CCDC141: variants seen among roughly 807,000 people sequenced by gnomAD.
CCDC141 encodes the protein coiled-coil domain-containing protein 141.
A neutral mutation model predicts 181.0 loss-of-function variants in CCDC141; 168 were observed. The observed-to-expected ratio is 0.93, with a 90% CI of 0.82 to 1.05. The LOEUF (loss-of-function observed/expected upper bound fraction) is 1.05. CCDC141 is among the 50% of genes least tolerant of loss of function. The pLI is 0.00. For synonymous variants in CCDC141, 666 were observed against 642.3 expected (o/e 1.04, Z -0.56); for missense variants, 1,902 against 1,788.5 (o/e 1.06, Z -1.14).
intron 9 of CCDC141, among the ~76,000 whole-genome samples, chr2:178,887,609 A>G (rs1486586993): frequency 6.6e-6 from 1 of 152,196 alleles, no homozygotes; most frequent in Non-Finnish European, 1.5e-5. Context: ...CAGGCAATGC[A>G]GCACCACAGC....
rs1685373096 is a variant in CCDC141 at position 178,856,084 on chromosome 2, T to C, written c.2865+173A>G. Among the ~76,000 whole-genome samples, 3 of 152,360 alleles carry C rather than the reference T, an allele frequency of 2.0e-5. No individual in the cohort carries two copies. In the Middle Eastern group the frequency reaches 0.01, roughly 518 times the overall value. On this transcript the variant is annotated intron_variant, in intron 18 of 23. Coordinates refer to ENST00000443758, the MANE Select transcript of CCDC141 (RefSeq NM_173648.4). ...TCAAGAGGTAAATCAATTTATTATGTATTTTTACATGAAGGATAAAATTGT... is the reference window on the plus strand; with the variant it reads ...TCAAGAGGTAAATCAATTTATTATGCATTTTTACATGAAGGATAAAATTGT...
At chr2:178,994,779 TAAA>T (rs1470901027) in intron 2 of CCDC141, among the ~76,000 whole-genome samples, 1 of 152,180 alleles carries the variant, frequency 6.6e-6, no homozygotes, top group Non-Finnish European at 1.5e-5. Context: ...CTTTGCTGCT[TAAA>T]AATTTCTTCC....
At chr2:178,883,521 T>C (rs1170636040) in intron 11 of CCDC141, among the ~76,000 whole-genome samples, 2 of 152,098 alleles carry the variant, frequency 1.3e-5, no homozygotes, top group Non-Finnish European at 2.9e-5. Context: ...GAATTGAGAA[T>C]ATTATAAAGG....
At chr2:178,954,656 T>C (rs1690084764) in intron 5 of CCDC141, among the ~76,000 whole-genome samples, 1 of 152,210 alleles carries the variant, frequency 6.6e-6, no homozygotes, top group African/African-American at 2.4e-5. Context: ...ACATCACATA[T>C]TCAGACATCC....
chr2:178,882,191 G>A (rs1057182159), intron 11 of CCDC141, among the ~76,000 whole-genome samples: 2 of 151,970 alleles, frequency 1.3e-5, no homozygotes, highest in Admixed American at 6.6e-5. Context: ...GACCAACATG[G>A]AGAAACCCCT....
chr2:178,869,394 ACTCT>A, intron 14 of CCDC141, 89 bp from the exon 15 acceptor site: 2 of 899,266 alleles, frequency 2.2e-6, no homozygotes, highest in Non-Finnish European at 3.2e-6. Flanking sequence ...ACAATGAATC[ACTCT>A]TTCATTTGTT....
intron 6 of CCDC141, among the ~76,000 whole-genome samples, chr2:178,942,645 T>C (rs1181208659): frequency 6.6e-6 from 1 of 152,110 alleles, no homozygotes; most frequent in Non-Finnish European, 1.5e-5. Context: ...TGAACCCTAA[T>C]ATAAGCAATG....
rs1453159516 is a variant in CCDC141, at chr2:178,888,627, T to G, written c.1307A>C (p.Lys436Thr). The change falls in exon 9 of 24, where the codon AAG becomes ACG. Residue 436 changes from lysine (K) to threonine (T), a missense_variant. Coordinates refer to ENST00000443758, the MANE Select transcript of CCDC141 (RefSeq NM_173648.4). Reference sequence around the variant, plus strand: ...TTCGGTCAGATGATCCACTCGTCTCTTAATGCACCCCATCATCTCATGGAT... The same window carrying G: ...TTCGGTCAGATGATCCACTCGTCTCGTAATGCACCCCATCATCTCATGGAT... ...SGIHEMMGCI[K>T]RRVDHLTEQC... 1 of 1,550,802 alleles carries G rather than the reference T, an allele frequency of 6.4e-7. No homozygotes were observed.
chr2:178,905,747 T>A (rs1687937275), intron 7 of CCDC141, among the ~76,000 whole-genome samples: 1 of 152,186 alleles, frequency 6.6e-6, no homozygotes, highest in Non-Finnish European at 1.5e-5. Flanking sequence ...ATCACCAAAA[T>A]AGTTTACATT....
chr2:178,834,534 T>C, intron 23 of CCDC141, 94 bp from the exon 24 acceptor site: 1 of 1,315,830 alleles, frequency 7.6e-7, no homozygotes, highest in Non-Finnish European at 1.0e-6. Context: ...CCATTACCAC[T>C]GCAATATTCT....
intron 3 of CCDC141, among the ~76,000 whole-genome samples, chr2:178,975,929 G>T (rs995953385): frequency 4.6e-5 from 7 of 152,114 alleles, no homozygotes; most frequent in African/African-American, 1.7e-4. Flanking sequence ...ATTAGATGGA[G>T]CAAGAATGAC....
chr2:179,013,498 A>C (rs529485955), intron 2 of CCDC141, among the ~76,000 whole-genome samples: 1 of 152,306 alleles, frequency 6.6e-6, no homozygotes, highest in South Asian at 2.1e-4. Flanking sequence ...TCCCATACTC[A>C]TGGATGGGTA....
chr2:179,022,136 G>A (rs1475417451), intron 2 of CCDC141, among the ~76,000 whole-genome samples: 1 of 152,112 alleles, frequency 6.6e-6, no homozygotes, highest in African/African-American at 2.4e-5. Context: ...AGTAGTTTCT[G>A]CTGTTTGAGG....
chr2:178,983,565 G>C, intron 2 of CCDC141, among the ~76,000 whole-genome samples: 1 of 144,430 alleles, frequency 6.9e-6, no homozygotes, highest in Non-Finnish European at 1.5e-5. Context: ...TGAAAACTTT[G>C]AAAAAAATTT....
chr2:179,035,647 C>T (rs1661034314), intron 2 of CCDC141, among the ~76,000 whole-genome samples: 1 of 152,152 alleles, frequency 6.6e-6, no homozygotes, highest in Non-Finnish European at 1.5e-5. Context: ...TCAGCCAAAG[C>T]TGTTACCTGG....
intron 2 of CCDC141, among the ~76,000 whole-genome samples, chr2:179,007,851 A>T (rs562679094): frequency 1.3e-5 from 2 of 152,228 alleles, no homozygotes; most frequent in African/African-American, 4.8e-5. Context: ...CCATTATTTA[A>T]TATATGTCTG....
chr2:178,860,060 C>T (rs1685536949), intron 17 of CCDC141, among the ~76,000 whole-genome samples: 1 of 152,120 alleles, frequency 6.6e-6, no homozygotes, highest in Admixed American at 6.5e-5. Flanking sequence ...ACATGTTTGG[C>T]CAGAAGCAAA....
chr2:178,942,969 A>T (rs1026101726), intron 6 of CCDC141, among the ~76,000 whole-genome samples: 1 of 152,194 alleles, frequency 6.6e-6, no homozygotes. Flanking sequence ...ACTGTGCCCT[A>T]CTAAGGTCAA....
intron 8 of CCDC141, among the ~76,000 whole-genome samples, chr2:178,905,069 C>T (rs190971826): frequency 6.6e-6 from 1 of 152,172 alleles, no homozygotes; most frequent in Non-Finnish European, 1.5e-5. Context: ...TGTCCATTCC[C>T]TTTCCCCTCC....
Sources: allele counts gnomAD v4.1 joint callset (sites outside exome capture counted in the v4.1 genomes callset), GRCh38; gene constraint gnomAD v4.1.1; transcripts MANE v1.5; gene names NCBI Gene and HGNC (gene_info 2026-07-23, HGNC 2026-07-21).